The following EML4 variants were observed in gnomAD, a reference collection of about 807,000 sequenced individuals.
The protein encoded by EML4 is EMAP like 4.
A neutral mutation model predicts 129.0 loss-of-function variants in EML4; 72 were observed. The observed-to-expected ratio is 0.56, with a 90% CI of 0.46 to 0.68. The LOEUF (loss-of-function observed/expected upper bound fraction) is 0.68, where lower values mean the gene tolerates loss of function less well. Among genes scored for constraint, EML4 ranks in the 30% least tolerant of loss-of-function variants. EML4 has a pLI of 0.00. For missense variants in EML4, 1,363 were observed against 1,190.6 expected, an observed-to-expected ratio of 1.14 and a Z score of -2.13; for synonymous variants, 532 against 405.0, an observed-to-expected ratio of 1.31 and a Z score of -3.77.
At chr2:42,276,550 C>T (rs534517525) in intron 6 of EML4, among the ~76,000 whole-genome samples, 1 of 152,286 alleles carries the variant, frequency 6.6e-6, no homozygotes, top group East Asian at 1.9e-4. Context: ...TGAAAAGATA[C>T]TATAGTGTAC....
chr2:42,303,812 C>G (rs1558593850), intron 16 of EML4, among the ~76,000 whole-genome samples: 1 of 152,136 alleles, frequency 6.6e-6, no homozygotes, highest in Non-Finnish European at 1.5e-5. Flanking sequence ...GTAGTCCCAG[C>G]TACTCGAGAG....
intron 17 of EML4, 107 bp from the exon 18 acceptor site, chr2:42,315,855 G>A (rs746265456): frequency 3.1e-5 from 24 of 769,050 alleles, no homozygotes; most frequent in Admixed American, 1.9e-4. Flanking sequence ...GCACACCAGC[G>A]TTATGACAAA....
rs1167841683 is a variant in EML4 at position 42,205,240 on chromosome 2, T to C, written c.25+35604T>C. Among the ~76,000 whole-genome samples the C allele has an allele frequency of 2.6e-5, 4 of 152,236 alleles. No individual in the cohort carries two copies. In the East Asian group the frequency reaches 5.8e-4, roughly 22 times the overall value. On this transcript the variant is annotated intron_variant, in intron 1 of 22. Coordinates refer to ENST00000318522, the MANE Select transcript of EML4 (RefSeq NM_019063.5). Reference sequence around the variant, plus strand: ...TAGAATTTTAGTATAAGTTGGCTTATGTGCAACAAAAAACACTTCCAGATG... The same window carrying C: ...TAGAATTTTAGTATAAGTTGGCTTACGTGCAACAAAAAACACTTCCAGATG...
chr2:42,187,676 TAAA>T (rs1553359621), intron 1 of EML4, among the ~76,000 whole-genome samples: 2 of 151,944 alleles, frequency 1.3e-5, no homozygotes, highest in African/African-American at 2.4e-5. Context: ...TCATTTTTTT[TAAA>T]AAAAAATGGT....
intron 10 of EML4, 47 bp downstream of exon 10, chr2:42,286,426 G>A: frequency 2.5e-6 from 3 of 1,176,736 alleles, no homozygotes; most frequent in Non-Finnish European, 3.8e-6. Flanking sequence ...CAAAAAAGCA[G>A]GAAAGAAGTT....
At chr2:42,288,519 C>G (rs973004306) in intron 11 of EML4, 197 bp downstream of exon 11, 34 of 335,478 alleles carry the variant, frequency 1.0e-4, no homozygotes, top group African/African-American at 7.0e-4. Context: ...AATAGTCAAG[C>G]AACTTGAAGC....
At chr2:42,241,629 G>A (rs1359806294) in intron 1 of EML4, among the ~76,000 whole-genome samples, 3 of 152,062 alleles carry the variant, frequency 2.0e-5, no homozygotes, top group Non-Finnish European at 4.4e-5. Context: ...AACAAAAAAC[G>A]GATTAAATCA....
intron 1 of EML4, among the ~76,000 whole-genome samples, chr2:42,217,213 T>G (rs1673250567): frequency 2.0e-5 from 3 of 152,200 alleles, no homozygotes; most frequent in African/African-American, 7.2e-5. Flanking sequence ...TTTATTTGTT[T>G]TTGTAGTGGA....
At chr2:42,321,006 A>G (rs1470055003) in intron 19 of EML4, among the ~76,000 whole-genome samples, 1 of 152,164 alleles carries the variant, frequency 6.6e-6, no homozygotes. Context: ...CTACCTAGAA[A>G]TCGCCAAGAA....
At chr2:42,326,070 C>T (rs2286703) in intron 20 of EML4, 84 bp from the exon 21 acceptor site, 16 of 1,523,650 alleles carry the variant, frequency 1.1e-5, no homozygotes, top group African/African-American at 1.4e-5. Flanking sequence ...TACAAGTAAA[C>T]GTGGCTAGTT....
intron 1 of EML4, among the ~76,000 whole-genome samples, chr2:42,200,040 T>C (rs1328788893): frequency 3.3e-5 from 5 of 150,934 alleles, no homozygotes; most frequent in Non-Finnish European, 7.4e-5. Flanking sequence ...CCAGGCGCGG[T>C]GGCTGACGCT....
intron 19 of EML4, among the ~76,000 whole-genome samples, chr2:42,322,765 C>T (rs905057038): frequency 2.0e-5 from 3 of 152,138 alleles, no homozygotes; most frequent in African/African-American, 7.2e-5. Context: ...ATACACTTTG[C>T]ATTAGCCTGT....
At chr2:42,301,616 A>T (rs1668291940) in intron 14 of EML4, among the ~76,000 whole-genome samples, 1 of 151,924 alleles carries the variant, frequency 6.6e-6, no homozygotes, top group South Asian at 2.1e-4. Flanking sequence ...AGGCAGAATA[A>T]TTTGCCTGTT....
chr2:42,241,341 A>T (rs932782154), intron 1 of EML4, among the ~76,000 whole-genome samples: 2 of 152,218 alleles, frequency 1.3e-5, no homozygotes, highest in Non-Finnish European at 2.9e-5. Flanking sequence ...ATGCTCTGTT[A>T]CATTGCCATT....
At chr2:42,243,459 A>G (rs1366225370) in intron 1 of EML4, among the ~76,000 whole-genome samples, 2 of 151,882 alleles carry the variant, frequency 1.3e-5, no homozygotes, top group Admixed American at 1.3e-4. Context: ...TAAGTAACAA[A>G]TGTGCTCAAA....
intron 1 of EML4, among the ~76,000 whole-genome samples, chr2:42,214,885 T>C (rs1171379766): frequency 6.6e-6 from 1 of 152,156 alleles, no homozygotes; most frequent in East Asian, 1.9e-4. Flanking sequence ...GCAAGACTTA[T>C]TCATATCTAG....
At chr2:42,223,113 G>A (rs1331342685) in intron 1 of EML4, among the ~76,000 whole-genome samples, 1 of 152,076 alleles carries the variant, frequency 6.6e-6, no homozygotes, top group East Asian at 1.9e-4. Context: ...CCAATATAAT[G>A]TATTTTTAAT....
intron 11 of EML4, among the ~76,000 whole-genome samples, chr2:42,293,273 A>G (rs1448478415): frequency 6.6e-6 from 1 of 151,664 alleles, no homozygotes; most frequent in Non-Finnish European, 1.5e-5. Flanking sequence ...CACGCCGGCT[A>G]ATTTACTTTT....
At chr2:42,262,757 C>T (rs914087436) in intron 4 of EML4, among the ~76,000 whole-genome samples, 1 of 152,076 alleles carries the variant, frequency 6.6e-6, no homozygotes, top group Non-Finnish European at 1.5e-5. Context: ...TAGAAATTGT[C>T]ATTTGTACCA....
Sources: allele counts gnomAD v4.1 joint callset (sites outside exome capture counted in the v4.1 genomes callset), GRCh38; gene constraint gnomAD v4.1.1; transcripts MANE v1.5; gene names NCBI Gene and HGNC (gene_info 2026-07-23, HGNC 2026-07-21).